TBC1D7: variants seen among roughly 807,000 people sequenced by gnomAD.
The protein encoded by TBC1D7 is TBC1 domain family member 7.
In TBC1D7, 33 loss-of-function variants were observed where a neutral mutation model predicts 35.3. The ratio of observed to expected loss-of-function variants is 0.93; its 90% CI spans 0.71 to 1.25. TBC1D7 has a LOEUF of 1.25. Among genes scored for constraint, TBC1D7 ranks in the 50% most tolerant of loss-of-function variants. TBC1D7 has a pLI of 0.00. For missense variants in TBC1D7, 362 were observed against 365.3 expected (o/e 0.99, Z 0.07); for synonymous variants, 135 against 129.5 (o/e 1.04, Z -0.29).
chr6:13,318,437 A>C (rs1164856505), intron 4 of TBC1D7, among the ~76,000 whole-genome samples: 2 of 152,160 alleles, frequency 1.3e-5, no homozygotes, highest in African/African-American at 4.8e-5. Flanking sequence ...CTCAATTCCT[A>C]ATCTAATTTA....
At chr6:13,321,562 C>G (rs1020675728) in intron 3 of TBC1D7, among the ~76,000 whole-genome samples, 1 of 152,182 alleles carries the variant, frequency 6.6e-6, no homozygotes, top group Non-Finnish European at 1.5e-5. Context: ...ATCCTATCCT[C>G]CAGGTCACAA....
At chr6:13,325,236 C>T in intron 2 of TBC1D7, 62 bp from the exon 3 acceptor site, 1 of 1,234,296 alleles carries the variant, frequency 8.1e-7, no homozygotes, top group Non-Finnish European at 1.2e-6. Flanking sequence ...TGTCAAGGCA[C>T]ATTTCATTTT....
chr6:13,309,163 T>C (rs537886277), intron 5 of TBC1D7, among the ~76,000 whole-genome samples: 5 of 152,328 alleles, frequency 3.3e-5, no homozygotes, highest in African/African-American at 1.2e-4. Context: ...CAAGGAAATT[T>C]GGTTGGTTTT....
At chr6:13,317,510 T>C (rs1396031032) in intron 4 of TBC1D7, among the ~76,000 whole-genome samples, 1 of 152,258 alleles carries the variant, frequency 6.6e-6, no homozygotes, top group East Asian at 1.9e-4. Context: ...AAATTGTTAT[T>C]TTAATGTATT....
intron 5 of TBC1D7, among the ~76,000 whole-genome samples, chr6:13,315,558 G>A (rs1393852881): frequency 6.6e-6 from 1 of 151,814 alleles, no homozygotes; most frequent in East Asian, 1.9e-4. Context: ...TACTAAAAAA[G>A]ATACAAAAAT....
At chr6:13,309,398 T>C (rs1189678201) in intron 5 of TBC1D7, among the ~76,000 whole-genome samples, 2 of 152,222 alleles carry the variant, frequency 1.3e-5, no homozygotes, top group Non-Finnish European at 2.9e-5. Flanking sequence ...CACTGCTGGT[T>C]CTTCAGTACC....
At chr6:13,313,563 G>A (rs973217314) in intron 5 of TBC1D7, among the ~76,000 whole-genome samples, 2 of 149,056 alleles carry the variant, frequency 1.3e-5, no homozygotes, top group African/African-American at 5.0e-5. Context: ...AGAGAGATAC[G>A]CATACACACA....
chr6:13,325,193 A>C lies in TBC1D7; in HGVS notation c.113-19T>G. ...TCAGTATCTAGAGGAAGAAGAAAACAATTGTTAGAAGCTTTTCATGCTGAT... is the reference window on the plus strand; with the variant it reads ...TCAGTATCTAGAGGAAGAAGAAAACCATTGTTAGAAGCTTTTCATGCTGAT... On this transcript the variant is annotated intron_variant, in intron 2 of 7. Coordinates refer to ENST00000379300, the MANE Select transcript of TBC1D7 (RefSeq NM_016495.6). 1 of 1,567,872 alleles carries C rather than the reference A, an allele frequency of 6.4e-7. No homozygotes were observed. Among genetic ancestry groups the C allele is most frequent in the Non-Finnish European group, 8.8e-7 (1 of 1,141,330 alleles).
chr6:13,325,195 T>C (rs763869221), intron 2 of TBC1D7, 21 bp from the exon 3 acceptor site: 14 of 1,562,578 alleles, frequency 9.0e-6, no homozygotes, highest in Non-Finnish European at 1.1e-5. Context: ...AAGAAAACAA[T>C]TGTTAGAAGC....
At chr6:13,316,730 T>A (rs757496431) in intron 4 of TBC1D7, 22 bp from the exon 5 acceptor site, 1 of 1,611,824 alleles carries the variant, frequency 6.2e-7, no homozygotes, top group African/African-American at 1.3e-5. Flanking sequence ...ATAATAAATC[T>A]CAAGAGGAAG....
intron 1 of TBC1D7, 80 bp from the exon 2 acceptor site, chr6:13,326,986 T>C (rs1341649480): frequency 1.3e-6 from 1 of 763,336 alleles, no homozygotes; most frequent in South Asian, 1.7e-5. Flanking sequence ...AGTCAAGAAT[T>C]AGAATAATTT....
At position 13,306,521 on chromosome 6, in the gene TBC1D7, C is replaced by G; in HGVS notation, c.672G>C (p.Trp224Cys). 6.3e-7 allele frequency: 1 copy of G among 1,588,792 alleles called. No homozygotes were observed. The highest frequency in any genetic ancestry group is 8.5e-7 in the Non-Finnish European group (1 of 1,170,716). The change falls in exon 7 of 8, where the codon TGG becomes TGC. Residue 224 changes from tryptophan (W) to cysteine (C), a missense_variant. By Grantham distance (215) the Trp-to-Cys change is radical. Transcript: ENST00000379300. ...TACAGGATCCACTCACAACTTTATC[C>G]CAAACCCTACAAAAATAAGGAGATA... is the stretch of plus-strand genomic sequence containing the variant. ...CLPESSLQRV[W>C]DKVVSGSCKI... is the part of the protein sequence containing the mutation.
At chr6:13,306,933 C>T in intron 6 of TBC1D7, 1 of 154,318 alleles carries the variant, frequency 6.5e-6, no homozygotes. Context: ...GGGATAAATT[C>T]AATTTCATTG....
At chr6:13,309,748 T>C (rs560761641) in intron 5 of TBC1D7, among the ~76,000 whole-genome samples, 68 of 152,340 alleles carry the variant, frequency 4.5e-4, no homozygotes, top group African/African-American at 1.6e-3. Flanking sequence ...GAACTCATAC[T>C]GAATACACGA....
chr6:13,316,389 C>T (rs1005340767), intron 5 of TBC1D7, among the ~76,000 whole-genome samples, 182 bp downstream of exon 5: 5 of 152,152 alleles, frequency 3.3e-5, no homozygotes, highest in African/African-American at 1.2e-4. Flanking sequence ...ACAATAGAGA[C>T]CATCTGGCCC....
intron 4 of TBC1D7, 72 bp downstream of exon 4, chr6:13,320,836 G>T: frequency 6.8e-7 from 1 of 1,466,030 alleles, no homozygotes. Context: ...GGCAAAACAT[G>T]ATGTAATCAA....
intron 5 of TBC1D7, among the ~76,000 whole-genome samples, chr6:13,315,719 A>G (rs995401108): frequency 1.3e-5 from 2 of 152,248 alleles, no homozygotes. Context: ...TCCATCTCAA[A>G]AAAACAAAAA....
Position 13,316,689 on chromosome 6 carries a change from A to G in TBC1D7, c.401T>C (p.Phe134Ser). The change falls in exon 5 of 8, where the codon TTT becomes TCT. Residue 134 changes from phenylalanine (F) to serine (S), a missense_variant. Transcript: ENST00000379300. ...SFPLEPDDEVFLAIAKAMEEM... is the reference protein window; with the variant it reads ...SFPLEPDDEVSLAIAKAMEEM... ...CTCCATGGCTTTAGCTATGGCAAGA[A>G]ACACTTCATCATCTGGCTCCTGAAA... 4 of 1,614,152 alleles carry G rather than the reference A, an allele frequency of 2.5e-6. No individual in the cohort carries two copies. The highest frequency in any genetic ancestry group is 3.4e-6 in the Non-Finnish European group (4 of 1,179,998).
Position 13,326,871 on chromosome 6 carries a change from G to A in TBC1D7, c.28C>T (p.Arg10Cys). 6.2e-7 allele frequency: 1 copy of A among 1,610,178 alleles called. No individual in the cohort carries two copies. The highest frequency in any genetic ancestry group is 8.5e-7 in the Non-Finnish European group (1 of 1,178,300). Residue 10 changes from arginine (R) to cysteine (C), a missense_variant, in exon 2 of 8, where the codon CGT becomes TGT. Coordinates refer to ENST00000379300, the MANE Select transcript of TBC1D7 (RefSeq NM_016495.6). MTEDSQRNFRSVYYEKVGFR... is the reference protein window; with the variant it reads MTEDSQRNFCSVYYEKVGFR... ...CCCACTTTCTCATAATATACTGAAC[G>A]AAAGTTTCTCTGAGAGTCCTCAGTC...
Sources: allele counts gnomAD v4.1 joint callset (sites outside exome capture counted in the v4.1 genomes callset), GRCh38; gene constraint gnomAD v4.1.1; transcripts MANE v1.5; gene names NCBI Gene and HGNC (gene_info 2026-07-23, HGNC 2026-07-21).